Variants in SQLE observed in about 807,000 individuals in gnomAD.
The protein encoded by SQLE is squalene epoxidase.
Under a neutral mutation model 60.7 loss-of-function variants are expected in SQLE, and 29 were observed. The observed-to-expected ratio is 0.48, with a 90% CI of 0.36 to 0.65. The LOEUF is 0.65. SQLE is among the 30% of genes least tolerant of loss of function. The probability of loss-of-function intolerance (pLI) is 0.00; values close to 1 mark genes in which losing one functional copy is unlikely to be tolerated. For missense variants in SQLE, 605 were observed against 684.1 expected, an observed-to-expected ratio of 0.88 and a Z score of 1.29; for synonymous variants, 237 against 246.8, an observed-to-expected ratio of 0.96 and a Z score of 0.37.
At chr8:125,012,630 A>G (rs539275939) in intron 7 of SQLE, among the ~76,000 whole-genome samples, 3 of 152,304 alleles carry the variant, frequency 2.0e-5, no homozygotes, top group South Asian at 4.1e-4. Context: ...TTGTGTGGCT[A>G]TATTACATTT....
At position 124,999,622 on chromosome 8, in the gene SQLE, G is replaced by T. The variant is rs759552395; in HGVS notation, c.219G>T (p.Leu73=). ...TCTTCTCGGATATTCTCTCAGGCCT[G>T]CCTTTCATTGGCTTCTTCTGGGCCA... ...FALFSDILSG[L]PFIGFFWAKS... Residue 73 remains leucine (L), a synonymous_variant, in exon 1 of 11, where the codon CTG becomes CTT. Transcript: ENST00000265896. 1.2e-6 allele frequency: 2 copies of T among 1,613,332 alleles called. No homozygotes were observed. Among genetic ancestry groups the T allele is most frequent in the South Asian group, 1.1e-5 (1 of 90,918 alleles).
intron 7 of SQLE, 78 bp downstream of exon 7, chr8:125,011,710 G>A (rs554242795): frequency 4.1e-6 from 5 of 1,233,712 alleles, no homozygotes; most frequent in African/African-American, 3.0e-5. Context: ...ATACTGTTAC[G>A]AATAACTTCT....
chr8:125,015,411 G>A lies in SQLE; in HGVS notation c.1205-2648G>A, dbSNP rs147376265. 2.3e-4 allele frequency among the ~76,000 whole-genome samples: 35 copies of A among 152,170 alleles called. 1 individual carries two copies. Among genetic ancestry groups the A allele is most frequent in the Admixed American group, 1.4e-3 (22 of 15,284 alleles). On this transcript the variant is annotated intron_variant, in intron 7 of 10. Coordinates refer to ENST00000265896, the MANE Select transcript of SQLE (RefSeq NM_003129.4). The stretch of plus-strand genomic sequence containing the variant: ...ATTGAATGTTATTATTGGTAAGTGC[G>A]TACTATTGCCATTTTGTTTTTGTTT...
At chr8:125,000,544 A>G (rs998003181) in intron 1 of SQLE, among the ~76,000 whole-genome samples, 2 of 152,112 alleles carry the variant, frequency 1.3e-5, no homozygotes, top group African/African-American at 4.8e-5. Context: ...CCCTGGTTCA[A>G]GCGATTCTCG....
rs185306734 is a variant in SQLE, at chr8:125,008,152, C to T, written c.822+665C>T. Among the ~76,000 whole-genome samples, 1,072 of 152,178 alleles carry T rather than the reference C, an allele frequency of 7.0e-3. 11 individuals are homozygous for T. Among genetic ancestry groups the T allele is most frequent in the Middle Eastern group, 0.017 (5 of 294 alleles). On this transcript the variant is annotated intron_variant, in intron 4 of 10. Coordinates refer to ENST00000265896, the MANE Select transcript of SQLE (RefSeq NM_003129.4). ...TTGCCCAGGCTGGAGTGCAATGGTG[C>T]GATCTCGGCTCACTGCAACCTCCAC...
At chr8:125,021,417 G>C (rs193046963) in intron 10 of SQLE, among the ~76,000 whole-genome samples, 1 of 151,456 alleles carries the variant, frequency 6.6e-6, no homozygotes, top group African/African-American at 2.4e-5. Flanking sequence ...ATATTTCAGC[G>C]TGGTGTCTCA....
At chr8:125,010,293 A>G (rs181328860) in intron 6 of SQLE, among the ~76,000 whole-genome samples, 198 of 152,348 alleles carry the variant, frequency 1.3e-3, no homozygotes, top group African/African-American at 4.0e-3. Flanking sequence ...ATAGCTTTGT[A>G]AAAACATTAA....
chr8:125,003,938 C>T (rs1814906717), intron 2 of SQLE, among the ~76,000 whole-genome samples: 1 of 151,968 alleles, frequency 6.6e-6, no homozygotes, highest in South Asian at 2.1e-4. Flanking sequence ...AAGAAGCAAG[C>T]CCTCCCCTGT....
intron 9 of SQLE, chr8:125,019,004 C>G: frequency 3.2e-6 from 1 of 313,888 alleles, no homozygotes; most frequent in Non-Finnish European, 5.8e-6. Context: ...TCATGCTTGT[C>G]CTCACACACA....
In SQLE at chr8:124,999,506, T is replaced by TTCCTCTCGCTGGGCCTGGTGC; in HGVS notation, c.106_126dup (p.Leu36_Leu42dup). ...GGAGGTCCTGTTGTGCGTGCTGGTG[T>TTCCTCTCGCTGGGCCTGGTGC]TCCTCTCGCTGGGCCTGGTGCTCTC... On this transcript the variant is annotated inframe_insertion, in exon 1 of 11. Coordinates refer to ENST00000265896, the MANE Select transcript of SQLE (RefSeq NM_003129.4). The TTCCTCTCGCTGGGCCTGGTGC allele has an allele frequency of 6.2e-7, 1 of 1,609,152 alleles. No individual in the cohort carries two copies. The highest frequency in any genetic ancestry group is 8.5e-7 in the Non-Finnish European group (1 of 1,177,328).
At chr8:125,015,265 A>G (rs1172602078) in intron 7 of SQLE, among the ~76,000 whole-genome samples, 1 of 151,244 alleles carries the variant, frequency 6.6e-6, no homozygotes, top group Non-Finnish European at 1.5e-5. Context: ...CCATCCCTTC[A>G]TTTTCAGTCT....
chr8:125,003,199 A>G lies in SQLE; in HGVS notation c.315A>G (p.Ser105=). ...ARRRRKGTNI[S]ETSLIGTAAC... Reference sequence around the variant, plus strand: ...AGCGCAGAAAAGGAACCAATATTTCAGAAACAAGCTTAATAGGAACAGCTG... The same window carrying G: ...AGCGCAGAAAAGGAACCAATATTTCGGAAACAAGCTTAATAGGAACAGCTG... Residue 105 remains serine, a synonymous_variant, in exon 2 of 11, where the codon TCA becomes TCG. Coordinates refer to ENST00000265896, the MANE Select transcript of SQLE (RefSeq NM_003129.4). 1 of 1,609,962 alleles carries G rather than the reference A, an allele frequency of 6.2e-7. No individual in the cohort carries two copies. Among genetic ancestry groups the G allele is most frequent in the Non-Finnish European group, 8.5e-7 (1 of 1,178,620 alleles).
intron 4 of SQLE, 44 bp downstream of exon 4, chr8:125,007,531 T>G: frequency 1.5e-6 from 2 of 1,353,404 alleles, no homozygotes; most frequent in Non-Finnish European, 2.0e-6. Flanking sequence ...GATGTTGTTT[T>G]TCCTGCTTTT....
At chr8:125,020,986 A>G in intron 10 of SQLE, 115 bp downstream of exon 10, 1 of 723,946 alleles carries the variant, frequency 1.4e-6, no homozygotes, top group Non-Finnish European at 2.4e-6. Context: ...ATTATCTGTT[A>G]GTATCCCAAT....
chr8:125,017,869 G>A (rs1233338501), intron 7 of SQLE, 190 bp from the exon 8 acceptor site: 4 of 615,132 alleles, frequency 6.5e-6, no homozygotes, highest in Non-Finnish European at 8.3e-6. Context: ...CCACCTATTA[G>A]GTACCCAACA....
At chr8:124,999,770 T>C in intron 1 of SQLE, 76 bp downstream of exon 1, 1 of 1,471,342 alleles carries the variant, frequency 6.8e-7, no homozygotes, top group Non-Finnish European at 9.0e-7. Context: ...ATAAGTTTTA[T>C]TTGAATTGCA....
intron 3 of SQLE, 93 bp downstream of exon 3, chr8:125,005,798 T>A: frequency 8.9e-7 from 1 of 1,125,666 alleles, no homozygotes; most frequent in Non-Finnish European, 1.2e-6. Context: ...TTTTAATGAA[T>A]TTTTGGGGCA....
intron 7 of SQLE, among the ~76,000 whole-genome samples, chr8:125,013,781 A>C (rs1003204252): frequency 1.3e-5 from 2 of 152,156 alleles, no homozygotes; most frequent in African/African-American, 4.8e-5. Flanking sequence ...TTGTGTGTGG[A>C]TATTCAGTTG....
chr8:125,007,317 A>G, intron 3 of SQLE, 74 bp from the exon 4 acceptor site: 1 of 1,108,946 alleles, frequency 9.0e-7, no homozygotes, highest in East Asian at 2.6e-5. Context: ...GATAAACTGG[A>G]GATAAGGAAT....
Sources: gnomAD v4.1 joint callset for allele counts (sites outside exome capture counted in the v4.1 genomes callset) on GRCh38, gnomAD v4.1.1 for gene constraint, MANE v1.5 for transcripts, NCBI Gene and HGNC (gene_info 2026-07-23, HGNC 2026-07-21) for gene names.